The following ZFPM2 variants were observed in gnomAD, a reference collection of about 807,000 sequenced individuals.
ZFPM2 encodes zinc finger protein ZFPM2.
In ZFPM2, 20 loss-of-function variants were observed where a neutral mutation model predicts 98.6. The ratio of observed to expected loss-of-function variants is 0.20; its 90% CI spans 0.14 to 0.29. The LOEUF (loss-of-function observed/expected upper bound fraction) is 0.29, where lower values mean the gene tolerates loss of function less well. ZFPM2 is among the 10% of genes least tolerant of loss of function. The pLI is 1.00. For missense variants in ZFPM2, 1,310 were observed against 1,388.6 expected, an observed-to-expected ratio of 0.94 and a Z score of 0.90; for synonymous variants, 518 against 502.7, an observed-to-expected ratio of 1.03 and a Z score of -0.41.
At chr8:105,447,643 G>A (rs1812401983) in intron 3 of ZFPM2, among the ~76,000 whole-genome samples, 1 of 152,090 alleles carries the variant, frequency 6.6e-6, no homozygotes, top group South Asian at 2.1e-4. Context: ...AGTTCTGACA[G>A]TCACCCTAAG....
chr8:105,502,817 GT>G (rs1413216504), intron 3 of ZFPM2, among the ~76,000 whole-genome samples: 3 of 152,104 alleles, frequency 2.0e-5, no homozygotes, highest in African/African-American at 7.2e-5. Flanking sequence ...CCATACTTGG[GT>G]TAGGTGAGTG....
chr8:105,606,891 T>G (rs867948822), intron 4 of ZFPM2, among the ~76,000 whole-genome samples: 5 of 152,130 alleles, frequency 3.3e-5, no homozygotes, highest in African/African-American at 1.2e-4. Flanking sequence ...CACAATTTGT[T>G]TGTTTGTTTG....
chr8:105,786,516 T>G lies in ZFPM2; in HGVS notation c.533-2202T>G, dbSNP rs1296447091. 2.0e-5 allele frequency among the ~76,000 whole-genome samples: 3 copies of G among 152,328 alleles called. No homozygotes were observed. In the South Asian group the frequency reaches 6.2e-4, roughly 32 times the overall value. On this transcript the variant is annotated intron_variant, in intron 5 of 7. Transcript: ENST00000407775. ...TTCTTTTCAAGTCCAACAGTACATT[T>G]TCAGTCCAATTTAGCCGTTTAGAAT...
In ZFPM2 at chr8:105,767,513, T is replaced by C. The variant is rs546715482; in HGVS notation, c.533-21205T>C. On this transcript the variant is annotated intron_variant, in intron 5 of 7. Coordinates refer to ENST00000407775, the MANE Select transcript of ZFPM2 (RefSeq NM_012082.4). The stretch of plus-strand genomic sequence containing the variant: ...AGGGTAAGCATAAAAAATGAAACAG[T>C]TATTTGAATAATCTGAGATCAAGTT... Among the ~76,000 whole-genome samples, 22 of 152,016 alleles carry C rather than the reference T, an allele frequency of 1.4e-4. No individual in the cohort carries two copies. The South Asian group carries it at 4.4e-3, about 30-fold the overall frequency.
intron 4 of ZFPM2, among the ~76,000 whole-genome samples, chr8:105,594,577 ACT>A (rs1815923071): frequency 6.6e-6 from 1 of 152,026 alleles, no homozygotes; most frequent in African/African-American, 2.4e-5. Flanking sequence ...TATTTCCATA[ACT>A]CTCTGAAGCT....
At chr8:105,333,962 T>C (rs537196103) in intron 1 of ZFPM2, among the ~76,000 whole-genome samples, 1 of 151,904 alleles carries the variant, frequency 6.6e-6, no homozygotes, top group African/African-American at 2.4e-5. Flanking sequence ...AGACTCTTTT[T>C]TCACTGTATG....
chr8:105,422,514 T>C (rs1811816824), intron 2 of ZFPM2, among the ~76,000 whole-genome samples: 1 of 152,272 alleles, frequency 6.6e-6, no homozygotes, highest in East Asian at 1.9e-4. Context: ...GTTTAAATCA[T>C]TTATGACAAT....
chr8:105,673,910 T>C (rs1234402051), intron 5 of ZFPM2, among the ~76,000 whole-genome samples: 1 of 152,158 alleles, frequency 6.6e-6, no homozygotes, highest in Non-Finnish European at 1.5e-5. Flanking sequence ...AAGAGGAAAA[T>C]TGGAAGATCC....
chr8:105,412,191 A>T (rs150547633), intron 1 of ZFPM2, among the ~76,000 whole-genome samples: 1,754 of 151,994 alleles, frequency 0.012, 18 homozygotes, highest in Non-Finnish European at 0.019. Context: ...CTAAAGAAAC[A>T]ATTTGAATAA....
At chr8:105,516,280 A>G (rs1813920320) in intron 3 of ZFPM2, among the ~76,000 whole-genome samples, 1 of 152,128 alleles carries the variant, frequency 6.6e-6, no homozygotes, top group African/African-American at 2.4e-5. Flanking sequence ...CCCCCTTGAG[A>G]CAGCAGGCAG....
rs150601338 is a variant in ZFPM2 at position 105,406,521 on chromosome 8, T to A, written c.41-12623T>A. 2.2e-3 allele frequency among the ~76,000 whole-genome samples: 328 copies of A among 152,142 alleles called. 3 individuals are homozygous for A. The highest frequency in any genetic ancestry group is 7.6e-3 in the African/African-American group (317 of 41,540). ...AAATCCCTAGAAGAAAACCTAGGCA[T>A]TACCATTCAGGATAATGGTCCACTC... is the stretch of plus-strand genomic sequence containing the variant. On this transcript the variant is annotated intron_variant, in intron 1 of 7. Coordinates refer to ENST00000407775, the MANE Select transcript of ZFPM2 (RefSeq NM_012082.4).
chr8:105,429,701 C>CA (rs376633755), intron 2 of ZFPM2, among the ~76,000 whole-genome samples: 3,835 of 128,372 alleles, frequency 0.03, 129 homozygotes, highest in African/African-American at 0.086. Context: ...AAAGTGATAC[C>CA]AAAAAAAAAA....
In ZFPM2 at chr8:105,803,418, C is replaced by T; in HGVS notation, c.3336C>T (p.Ser1112=). ...TAGCAAAAGGTGTGAATGGTTCCAG[C>T]CAGGCTCCAACCAGTGGGAAATATT... ...SSIAKGVNGS[S]QAPTSGKYCR... The change falls in exon 8 of 8, where the codon AGC becomes AGT. Residue 1112 remains serine (S), a synonymous_variant. Transcript: ENST00000407775. 6.2e-7 allele frequency: 1 copy of T among 1,613,844 alleles called. No homozygotes were observed. Among genetic ancestry groups the T allele is most frequent in the South Asian group, 1.1e-5 (1 of 91,068 alleles).
chr8:105,450,907 TAAA>T (rs1275457415), intron 3 of ZFPM2, among the ~76,000 whole-genome samples: 2 of 151,896 alleles, frequency 1.3e-5, no homozygotes, highest in East Asian at 3.9e-4. Context: ...ATGAACACAG[TAAA>T]AAAGTTCTCT....
At position 105,485,884 on chromosome 8, in the gene ZFPM2, T is replaced by G. The variant is rs547256686; in HGVS notation, c.301+41503T>G. 3.9e-5 allele frequency among the ~76,000 whole-genome samples: 6 copies of G among 152,270 alleles called. No individual in the cohort carries two copies. In the South Asian group the frequency reaches 1.0e-3, roughly 26 times the overall value. ...AAAACTAGAAGAAGCGATTTAAGCT[T>G]CTTTTTTGTAAAAATTTAAGGCATT... On this transcript the variant is annotated intron_variant, in intron 3 of 7. Transcript: ENST00000407775.
chr8:105,685,804 A>C (rs1161147349), intron 5 of ZFPM2: 1 of 152,124 alleles, frequency 6.6e-6, no homozygotes, highest in Non-Finnish European at 1.5e-5. Context: ...TCTGTTAAAA[A>C]TCAAAGGGAT....
intron 5 of ZFPM2, among the ~76,000 whole-genome samples, chr8:105,781,614 G>A (rs963655790): frequency 6.6e-6 from 1 of 152,042 alleles, no homozygotes; most frequent in Non-Finnish European, 1.5e-5. Flanking sequence ...CCAGCTACTC[G>A]GGAGGCTGTA....
chr8:105,389,695 A>G (rs1811071875), intron 1 of ZFPM2, among the ~76,000 whole-genome samples: 1 of 152,186 alleles, frequency 6.6e-6, no homozygotes, highest in African/African-American at 2.4e-5. Flanking sequence ...TGCTTTGTAA[A>G]TGGTCATCAA....
chr8:105,710,699 GTGTATGTGTGTGT>G (rs1811368809), intron 5 of ZFPM2, among the ~76,000 whole-genome samples: 1 of 141,432 alleles, frequency 7.1e-6, no homozygotes, highest in Admixed American at 6.9e-5. Context: ...GTGTGTGTGT[GTGTATGTGTGTGT>G]GGGGGGGTGT....
Sources: gnomAD v4.1 joint callset for allele counts (sites outside exome capture counted in the v4.1 genomes callset) on GRCh38, gnomAD v4.1.1 for gene constraint, MANE v1.5 for transcripts, NCBI Gene and HGNC (gene_info 2026-07-23, HGNC 2026-07-21) for gene names.